The following DTWD2 variants were observed in gnomAD, a reference collection of about 807,000 sequenced individuals.
The protein encoded by DTWD2 is tRNA-uridine aminocarboxypropyltransferase 2.
Under a neutral mutation model 31.8 loss-of-function variants are expected in DTWD2, and 39 were observed. That is an observed-to-expected ratio of 1.22 (90% CI 0.95 to 1.60). DTWD2 has a LOEUF of 1.60. Among genes scored for constraint, DTWD2 ranks in the 40% most tolerant of loss-of-function variants. The probability of loss-of-function intolerance (pLI) is 0.00; values close to 1 mark genes in which losing one functional copy is unlikely to be tolerated. For synonymous variants in DTWD2, 180 were observed against 142.8 expected (o/e 1.26, Z -1.86); for missense variants, 515 against 381.5 (o/e 1.35, Z -2.92).
Position 118,838,534 on chromosome 5 carries a change from T to C in DTWD2, c.*2383A>G, listed in dbSNP as rs759453324. ...TGAGAACTTTTAGTAATTAAAATAA[T>C]GGCTTTTAAAACTTACTTACAACTG... On this transcript the variant is annotated 3_prime_UTR_variant, in exon 6 of 6. Transcript: ENST00000510708. The C allele has an allele frequency of 2.6e-5, 4 of 152,050 alleles. No individual in the cohort carries two copies. Among genetic ancestry groups the C allele is most frequent in the African/African-American group, 7.3e-5 (3 of 41,324 alleles). 9.4% of individuals were successfully genotyped at this position (152,050 alleles called of 1,614,324 possible). A position where few individuals can be genotyped will look rare whatever the true frequency, so the allele number is the denominator to read the frequency against.
intron 4 of DTWD2, among the ~76,000 whole-genome samples, chr5:118,883,611 C>T (rs1752792307): frequency 6.6e-6 from 1 of 152,084 alleles, no homozygotes; most frequent in Admixed American, 6.5e-5. Flanking sequence ...TGGTAGAGGA[C>T]AAAGGGGAAG....
chr5:118,876,345 T>C (rs1752621087), intron 4 of DTWD2, among the ~76,000 whole-genome samples: 1 of 151,662 alleles, frequency 6.6e-6, no homozygotes, highest in Non-Finnish European at 1.5e-5. Context: ...AGACAAGAAA[T>C]AACCACAATC....
chr5:118,847,443 T>C (rs914849873), intron 5 of DTWD2, among the ~76,000 whole-genome samples: 10 of 152,170 alleles, frequency 6.6e-5, no homozygotes, highest in Admixed American at 3.3e-4. Context: ...ATTTTTTCTT[T>C]TGCTACAAAT....
At chr5:118,968,850 G>A (rs1754916659) in intron 1 of DTWD2, among the ~76,000 whole-genome samples, 1 of 152,228 alleles carries the variant, frequency 6.6e-6, no homozygotes, top group Non-Finnish European at 1.5e-5. Flanking sequence ...CACTCCCATG[G>A]CACCTCACAT....
At chr5:118,913,430 T>TATATATAG (rs1561453000) in intron 4 of DTWD2, among the ~76,000 whole-genome samples, 1 of 131,112 alleles carries the variant, frequency 7.6e-6, no homozygotes, top group Non-Finnish European at 1.6e-5. Flanking sequence ...GATATATATA[T>TATATATAG]ATACACACAC....
intron 4 of DTWD2, among the ~76,000 whole-genome samples, chr5:118,867,426 T>A (rs1433350577): frequency 3.3e-5 from 5 of 152,158 alleles, no homozygotes; most frequent in Non-Finnish European, 2.9e-5. Context: ...ATAATTTACA[T>A]TATCTATCCT....
intron 4 of DTWD2, among the ~76,000 whole-genome samples, chr5:118,890,145 G>A (rs1752947597): frequency 2.0e-5 from 3 of 152,150 alleles, no homozygotes; most frequent in African/African-American, 7.2e-5. Context: ...TTTTACAAAT[G>A]AGGAAACTAA....
At chr5:118,913,390 T>TATATATATAGATATATATAG (rs200926191) in intron 4 of DTWD2, among the ~76,000 whole-genome samples, 159 of 145,734 alleles carry the variant, frequency 1.1e-3, no homozygotes, top group African/African-American at 2.5e-3. Flanking sequence ...ACATGAACCA[T>TATATATATAGATATATATAG]ATATATATAG....
intron 4 of DTWD2, among the ~76,000 whole-genome samples, chr5:118,910,667 T>C (rs559045925): frequency 3.4e-4 from 52 of 152,330 alleles, no homozygotes; most frequent in African/African-American, 1.1e-3. Flanking sequence ...TTTTTAGTTA[T>C]TTGTTACAAC....
In DTWD2 at chr5:118,839,043, T is replaced by A. The variant is rs1751643139; in HGVS notation, c.*1874A>T. ...CGGGCGTGGTGGTGGGCACCTGTAG[T>A]CCCAGCTACTCAGGAGGCTGAGGCA... On this transcript the variant is annotated 3_prime_UTR_variant, in exon 6 of 6. Coordinates refer to ENST00000510708, the MANE Select transcript of DTWD2 (RefSeq NM_173666.4). 1 of 152,046 alleles carries A rather than the reference T, an allele frequency of 6.6e-6. No homozygotes were observed. The highest frequency in any genetic ancestry group is 1.5e-5 in the Non-Finnish European group (1 of 68,072). 9.4% of individuals were successfully genotyped at this position (152,046 alleles called of 1,614,324 possible).
At chr5:118,879,180 A>T (rs1752685166) in intron 4 of DTWD2, among the ~76,000 whole-genome samples, 1 of 152,174 alleles carries the variant, frequency 6.6e-6, no homozygotes, top group Non-Finnish European at 1.5e-5. Context: ...ATAAAGATAC[A>T]TGCACGTGTA....
rs1012841829 is a variant in DTWD2, at chr5:118,839,291, C to T, written c.*1626G>A. On this transcript the variant is annotated 3_prime_UTR_variant, in exon 6 of 6. Coordinates refer to ENST00000510708, the MANE Select transcript of DTWD2 (RefSeq NM_173666.4). ...TATTATACATTATTATATGCTGTTT[C>T]TTTTCTAGTACACCAAATAATCATT... The T allele has an allele frequency of 7.9e-5, 12 of 152,040 alleles. No homozygotes were observed. The highest frequency in any genetic ancestry group is 2.9e-4 in the African/African-American group (12 of 41,404). 9.4% of individuals were successfully genotyped at this position (152,040 alleles called of 1,614,324 possible).
At chr5:118,963,851 T>C (rs553800536) in intron 1 of DTWD2, among the ~76,000 whole-genome samples, 1 of 152,276 alleles carries the variant, frequency 6.6e-6, no homozygotes, top group South Asian at 2.1e-4. Flanking sequence ...TTAAAGATCC[T>C]TATGGTAACA....
chr5:118,975,121 T>C (rs1204096975), intron 1 of DTWD2, among the ~76,000 whole-genome samples: 1 of 152,212 alleles, frequency 6.6e-6, no homozygotes, highest in African/African-American at 2.4e-5. Context: ...AAGAGTGTTT[T>C]CCAACTTGGT....
rs191931891 is a variant in DTWD2, at chr5:118,914,639, T to C, written c.597+13898A>G. On this transcript the variant is annotated intron_variant, in intron 4 of 5. Transcript: ENST00000510708. ...AATTTACAGTCTAATTGGCAAAATA[T>C]AAAACAAAATATTAGCAAAGATAAT... Among the ~76,000 whole-genome samples, 607 of 152,226 alleles carry C rather than the reference T, an allele frequency of 4.0e-3. 3 individuals are homozygous for C. Among genetic ancestry groups the C allele is most frequent in the Middle Eastern group, 6.8e-3 (2 of 294 alleles).
At chr5:118,897,327 G>A (rs913393174) in intron 4 of DTWD2, among the ~76,000 whole-genome samples, 1 of 152,164 alleles carries the variant, frequency 6.6e-6, no homozygotes, top group South Asian at 2.1e-4. Flanking sequence ...TACAACAGAA[G>A]CTCATTAGAG....
intron 4 of DTWD2, among the ~76,000 whole-genome samples, chr5:118,886,101 T>G (rs1340336836): frequency 1.3e-5 from 2 of 152,232 alleles, no homozygotes; most frequent in South Asian, 2.1e-4. Flanking sequence ...GGTTTATGTT[T>G]TATTATAAAT....
At chr5:118,933,689 A>G (rs1347470902) in intron 3 of DTWD2, among the ~76,000 whole-genome samples, 2 of 152,142 alleles carry the variant, frequency 1.3e-5, no homozygotes, top group Non-Finnish European at 2.9e-5. Context: ...ACCTATAGCT[A>G]GCATTATACG....
chr5:118,887,602 G>A (rs1752894791), intron 4 of DTWD2, among the ~76,000 whole-genome samples: 1 of 152,136 alleles, frequency 6.6e-6, no homozygotes, highest in African/African-American at 2.4e-5. Flanking sequence ...ACTTCTAGAT[G>A]TTTTTGTTTG....
Sources: allele counts gnomAD v4.1 joint callset (sites outside exome capture counted in the v4.1 genomes callset), GRCh38; gene constraint gnomAD v4.1.1; transcripts MANE v1.5; gene names NCBI Gene and HGNC (gene_info 2026-07-23, HGNC 2026-07-21).